The following ULK4 variants were observed in gnomAD, a reference collection of about 807,000 sequenced individuals.
The protein encoded by ULK4 is inactive serine/threonine-protein kinase ULK4.
A neutral mutation model predicts 160.6 loss-of-function variants in ULK4; 133 were observed. That is an observed-to-expected ratio of 0.83 (90% CI 0.72 to 0.96). ULK4 has a LOEUF of 0.96. Among genes scored for constraint, ULK4 ranks in the 40% least tolerant of loss-of-function variants. The pLI, the probability that ULK4 is intolerant of heterozygous loss-of-function variation, is 0.00. For missense variants in ULK4, 1,580 were observed against 1,499.5 expected, an observed-to-expected ratio of 1.05 and a Z score of -0.89; for synonymous variants, 534 against 539.8, an observed-to-expected ratio of 0.99 and a Z score of 0.15.
At chr3:41,257,220 T>C (rs1232179720) in intron 35 of ULK4, among the ~76,000 whole-genome samples, 1 of 152,208 alleles carries the variant, frequency 6.6e-6, no homozygotes, top group Admixed American at 6.5e-5. Context: ...CTAAAATTCA[T>C]AACACTGACA....
rs147098901 is a variant in ULK4, at chr3:41,274,568, T to C, written c.3679-24994A>G. Among the ~76,000 whole-genome samples, 267 of 152,352 alleles carry C rather than the reference T, an allele frequency of 1.8e-3. 1 individual carries two copies. Among genetic ancestry groups the C allele is most frequent in the African/African-American group, 6.0e-3 (251 of 41,600 alleles). On this transcript the variant is annotated intron_variant, in intron 35 of 36. Transcript: ENST00000301831. ...AGGGACAGACTCATGGATTTAAAGA[T>C]GAGTGGCAGCCACAGAACCTTAAAT...
chr3:41,747,760 T>C (rs2038466951), intron 22 of ULK4, among the ~76,000 whole-genome samples: 1 of 152,042 alleles, frequency 6.6e-6, no homozygotes, highest in African/African-American at 2.4e-5. Context: ...GGAAAGGCCA[T>C]GCGAGGACAC....
intron 32 of ULK4, among the ~76,000 whole-genome samples, chr3:41,521,469 T>A (rs966369): frequency 0.61 from 92,611 of 152,000 alleles, 28,492 homozygotes; most frequent in Admixed American, 0.69. Flanking sequence ...TGAAAATGAG[T>A]TATTTCCCAC....
At chr3:41,352,359 A>G (rs1334612187) in intron 35 of ULK4, among the ~76,000 whole-genome samples, 1 of 152,152 alleles carries the variant, frequency 6.6e-6, no homozygotes, top group African/African-American at 2.4e-5. Context: ...TTTATCTTTA[A>G]GGCACCACTG....
chr3:41,756,345 CTG>C (rs1559529981), intron 21 of ULK4, among the ~76,000 whole-genome samples: 3 of 152,130 alleles, frequency 2.0e-5, no homozygotes, highest in Admixed American at 2.0e-4. Flanking sequence ...AGTGGATCCT[CTG>C]TAAGAGCAAA....
intron 21 of ULK4, among the ~76,000 whole-genome samples, chr3:41,766,129 C>T (rs1452117329): frequency 3.3e-5 from 5 of 152,124 alleles, no homozygotes; most frequent in African/African-American, 7.2e-5. Flanking sequence ...ATCAGCCAGG[C>T]GTGGTGGCAG....
chr3:41,774,676 G>T (rs10452023), intron 21 of ULK4, among the ~76,000 whole-genome samples: 9,891 of 148,296 alleles, frequency 0.067, 1,218 homozygotes, highest in African/African-American at 0.24. Context: ...GATTCCTCAG[G>T]GATCTAGAAC....
intron 19 of ULK4, among the ~76,000 whole-genome samples, chr3:41,808,562 C>T (rs73077360): frequency 0.12 from 18,859 of 152,114 alleles, 1,350 homozygotes; most frequent in Middle Eastern, 0.27. Flanking sequence ...TGAGCTAATG[C>T]CTATTGCTTA....
chr3:41,667,860 G>A (rs1407193148), intron 29 of ULK4, among the ~76,000 whole-genome samples: 1 of 152,060 alleles, frequency 6.6e-6, no homozygotes, highest in East Asian at 1.9e-4. Context: ...ACATATTCGG[G>A]ACCTAAGGCA....
chr3:41,631,727 C>G (rs561538959), intron 30 of ULK4, among the ~76,000 whole-genome samples: 1 of 152,174 alleles, frequency 6.6e-6, no homozygotes, highest in South Asian at 2.1e-4. Flanking sequence ...GTTTCGACCA[C>G]AGAGAGTACA....
At chr3:41,284,022 C>T (rs1035388253) in intron 35 of ULK4, among the ~76,000 whole-genome samples, 3 of 151,660 alleles carry the variant, frequency 2.0e-5, no homozygotes, top group African/African-American at 7.3e-5. Context: ...ACCAAGGAGC[C>T]AAAAAGACCT....
chr3:41,687,708 G>C (rs1157821000), intron 27 of ULK4, among the ~76,000 whole-genome samples: 2 of 152,080 alleles, frequency 1.3e-5, no homozygotes, highest in Non-Finnish European at 2.9e-5. Context: ...TTTCACCAAA[G>C]GAAAAACATC....
intron 35 of ULK4, among the ~76,000 whole-genome samples, chr3:41,393,720 T>C (rs923359466): frequency 1.3e-5 from 2 of 152,162 alleles, no homozygotes; most frequent in Non-Finnish European, 2.9e-5. Flanking sequence ...TAGTCATAAC[T>C]CTATTACTTG....
chr3:41,813,254 T>A (rs2040869000), intron 19 of ULK4, among the ~76,000 whole-genome samples: 1 of 152,094 alleles, frequency 6.6e-6, no homozygotes, highest in Admixed American at 6.6e-5. Flanking sequence ...ATGGCACACG[T>A]TTACCTATGT....
At chr3:41,343,295 CTTTTTTTTTT>C (rs55691966) in intron 35 of ULK4, among the ~76,000 whole-genome samples, 7 of 85,334 alleles carry the variant, frequency 8.2e-5, no homozygotes, top group Non-Finnish European at 1.2e-4. Context: ...AGCCCAAAAA[CTTTTTTTTTT>C]TTTTTTTTTT....
chr3:41,441,381 C>T (rs906885635), intron 34 of ULK4, among the ~76,000 whole-genome samples: 4 of 151,916 alleles, frequency 2.6e-5, no homozygotes, highest in African/African-American at 7.2e-5. Flanking sequence ...ATATTCTTTT[C>T]GATTTTTAAT....
chr3:41,800,365 AAAT>A (rs2040423154), intron 19 of ULK4, 72 bp from the exon 20 acceptor site: 1 of 1,463,214 alleles, frequency 6.8e-7, no homozygotes, highest in Non-Finnish European at 9.4e-7. Flanking sequence ...TGACCATTGT[AAAT>A]AATGTTATGA....
intron 31 of ULK4, among the ~76,000 whole-genome samples, chr3:41,580,244 G>A (rs1399095745): frequency 6.6e-6 from 1 of 152,034 alleles, no homozygotes. Flanking sequence ...TGGTCTTTAG[G>A]AGACGTCCCT....
chr3:41,582,878 A>G (rs1253649757), intron 31 of ULK4, among the ~76,000 whole-genome samples: 1 of 152,288 alleles, frequency 6.6e-6, no homozygotes, highest in Non-Finnish European at 1.5e-5. Flanking sequence ...AGGGATAACT[A>G]GATGCATTCT....
Sources: gnomAD v4.1 joint callset for allele counts (sites outside exome capture counted in the v4.1 genomes callset) on GRCh38, gnomAD v4.1.1 for gene constraint, MANE v1.5 for transcripts, NCBI Gene and HGNC (gene_info 2026-07-23, HGNC 2026-07-21) for gene names.